Variants in ARRDC3 observed in about 807,000 individuals in gnomAD.
ARRDC3 encodes arrestin domain containing 3.
In ARRDC3, 10 loss-of-function variants were observed where a neutral mutation model predicts 47.2. The ratio of observed to expected loss-of-function variants is 0.21; its 90% CI spans 0.13 to 0.36. The LOEUF is 0.36. Among genes scored for constraint, ARRDC3 ranks in the 10% least tolerant of loss-of-function variants. ARRDC3 has a pLI of 1.00. For synonymous variants in ARRDC3, 156 were observed against 178.3 expected, an observed-to-expected ratio of 0.87 and a Z score of 1.00; for missense variants, 381 against 503.6, an observed-to-expected ratio of 0.76 and a Z score of 2.33.
intron 1 of ARRDC3, chr5:91,380,650 A>C (rs527477865): frequency 6.6e-6 from 1 of 152,372 alleles, no homozygotes; most frequent in African/African-American, 2.4e-5. Context: ...AGGGGAAAAC[A>C]AGCGTTCACA....
chr5:91,382,219 C>T (rs1799471602), intron 1 of ARRDC3, among the ~76,000 whole-genome samples: 1 of 152,116 alleles, frequency 6.6e-6, no homozygotes, highest in Non-Finnish European at 1.5e-5. Context: ...ATAAGGAATG[C>T]TGGGTGTAAA....
At chr5:91,377,418 A>G (rs944582524) in intron 2 of ARRDC3, among the ~76,000 whole-genome samples, 2 of 151,862 alleles carry the variant, frequency 1.3e-5, no homozygotes, top group African/African-American at 4.8e-5. Context: ...ATAAAAAAAA[A>G]TTTTTTTTAA....
chr5:91,381,953 A>C (rs73773374), intron 1 of ARRDC3, among the ~76,000 whole-genome samples: 11,963 of 152,226 alleles, frequency 0.079, 517 homozygotes, highest in South Asian at 0.16. Flanking sequence ...CTATATTTCC[A>C]CAATGTAACC....
Position 91,374,771 on chromosome 5 carries a change from A to G in ARRDC3, c.870+151T>C. 3 of 778,544 alleles carry G rather than the reference A, an allele frequency of 3.9e-6. No individual in the cohort carries two copies. The South Asian group carries it at 5.6e-5, about 15-fold the overall frequency. 48.2% of individuals were successfully genotyped at this position (778,544 alleles called of 1,614,324 possible). On this transcript the variant is annotated intron_variant, in intron 5 of 7. Coordinates refer to ENST00000265138, the MANE Select transcript of ARRDC3 (RefSeq NM_020801.4). ...TGGCTATAGGCACACCTGTAGTCCC[A>G]ACTACTTGGGAGCTGAGGTGGGAGG... is the stretch of plus-strand genomic sequence containing the variant.
intron 2 of ARRDC3, among the ~76,000 whole-genome samples, chr5:91,377,118 C>A (rs912856104): frequency 2.6e-5 from 4 of 152,176 alleles, no homozygotes; most frequent in Non-Finnish European, 5.9e-5. Context: ...AATGGTTTAA[C>A]TATTTCTACT....
At position 91,370,833 on chromosome 5, in the gene ARRDC3, T is replaced by C. The variant is rs1334196729; in HGVS notation, c.*567A>G. 1 of 152,452 alleles carries C rather than the reference T, an allele frequency of 6.6e-6. No homozygotes were observed. Among genetic ancestry groups the C allele is most frequent in the Non-Finnish European group, 1.5e-5 (1 of 68,052 alleles). The allele number at this position is 152,452 out of a possible 1,614,324, so 9.4% of individuals were successfully genotyped here. Reference sequence around the variant, plus strand: ...TCCAAGCTGAAGAGGTGATACATAGTCAGCCTAGTAGACAATTCTGAGCAT... The same window carrying C: ...TCCAAGCTGAAGAGGTGATACATAGCCAGCCTAGTAGACAATTCTGAGCAT... On this transcript the variant is annotated 3_prime_UTR_variant, in exon 8 of 8. Coordinates refer to ENST00000265138, the MANE Select transcript of ARRDC3 (RefSeq NM_020801.4).
At chr5:91,377,072 T>G (rs1799321322) in intron 2 of ARRDC3, among the ~76,000 whole-genome samples, 1 of 152,244 alleles carries the variant, frequency 6.6e-6, no homozygotes, top group Admixed American at 6.5e-5. Context: ...AATGGGCATT[T>G]TTTGAAAAGG....
chr5:91,379,326 T>A (rs903453782), intron 1 of ARRDC3, among the ~76,000 whole-genome samples: 1 of 150,376 alleles, frequency 6.6e-6, no homozygotes, highest in Non-Finnish European at 1.5e-5. Flanking sequence ...CACATTGATT[T>A]TAATGTCAGA....
At position 91,371,910 on chromosome 5, in the gene ARRDC3, C is replaced by T. The variant is rs191379465; in HGVS notation, c.1189-454G>A. On this transcript the variant is annotated intron_variant, in intron 7 of 7. Coordinates refer to ENST00000265138, the MANE Select transcript of ARRDC3 (RefSeq NM_020801.4). Reference sequence around the variant, plus strand: ...TCCTCTGACTTTGGAAAAATGAAATCGTATAAACAATGCTCTTTGTTTATA... The same window carrying T: ...TCCTCTGACTTTGGAAAAATGAAATTGTATAAACAATGCTCTTTGTTTATA... 8.5e-5 allele frequency among the ~76,000 whole-genome samples: 13 copies of T among 152,222 alleles called. No individual in the cohort carries two copies. In the East Asian group the frequency reaches 2.3e-3, roughly 27 times the overall value.
rs933617673 is a variant in ARRDC3 at position 91,381,241 on chromosome 5, T to C, written c.280+1572A>G. Among the ~76,000 whole-genome samples, 6 of 152,226 alleles carry C rather than the reference T, an allele frequency of 3.9e-5. No individual in the cohort carries two copies. The East Asian group carries it at 1.2e-3, about 29-fold the overall frequency. ...GTTGGGGGTGCAGGGCATTTAGTTT[T>C]CTTTACCACGAAATCATGGTGCAAC... On this transcript the variant is annotated intron_variant, in intron 1 of 7. Coordinates refer to ENST00000265138, the MANE Select transcript of ARRDC3 (RefSeq NM_020801.4).
chr5:91,380,262 G>A, intron 1 of ARRDC3: 1 of 153,604 alleles, frequency 6.5e-6, no homozygotes, highest in Non-Finnish European at 1.5e-5. Context: ...TATACATACG[G>A]CATACGTCGC....
intron 7 of ARRDC3, among the ~76,000 whole-genome samples, chr5:91,371,695 G>T (rs1799181992): frequency 6.6e-6 from 1 of 151,980 alleles, no homozygotes; most frequent in South Asian, 2.1e-4. Context: ...CTTTATAAAG[G>T]CATGTCTGAA....
chr5:91,375,626 A>C lies in ARRDC3; in HGVS notation c.511-13T>G. The C allele has an allele frequency of 6.3e-7, 1 of 1,589,280 alleles. No individual in the cohort carries two copies. The highest frequency in any genetic ancestry group is 8.6e-7 in the Non-Finnish European group (1 of 1,161,266). ...CTGCTTGGGGTGACTGTAAGAAAAA[A>C]ATTAAGAGAAAAAGGTCAGTGTATG... On this transcript the variant is annotated splice_polypyrimidine_tract_variant and intron_variant, in intron 3 of 7. Transcript: ENST00000265138.
Position 91,371,008 on chromosome 5 carries a change from GAAAAAAA to G in ARRDC3, c.*385_*391del, listed in dbSNP as rs767515801. The G allele has an allele frequency of 2.6e-5, 2 of 77,680 alleles. No individual in the cohort carries two copies. Among genetic ancestry groups the G allele is most frequent in the African/African-American group, 8.4e-5 (2 of 23,888 alleles). 4.8% of individuals were successfully genotyped at this position (77,680 alleles called of 1,614,324 possible). The stretch of plus-strand genomic sequence containing the variant: ...GAGTATCAAGAGTCTGGCAAAAATA[GAAAAAAA>G]AAAAAAAAAAAAAAGAAGCTGTAGT... On this transcript the variant is annotated 3_prime_UTR_variant, in exon 8 of 8. Transcript: ENST00000265138.
In ARRDC3 at chr5:91,371,417, A is replaced by G; in HGVS notation, c.1228T>C (p.Ser410Pro). ...GTGTTCCTTCAACGAGAGGGGCAGGATGGTCTATCATCTGCTGACTGATCA... is the reference window on the plus strand; with the variant it reads ...GTGTTCCTTCAACGAGAGGGGCAGGGTGGTCTATCATCTGCTGACTGATCA... ...NPDQSADDRP[S>P]CPSR Residue 410 changes from serine (S) to proline (P), a missense_variant, in exon 8 of 8, where the codon TCC becomes CCC. Ser to Pro is a moderately conservative substitution (Grantham distance 74). Coordinates refer to ENST00000265138, the MANE Select transcript of ARRDC3 (RefSeq NM_020801.4). The G allele has an allele frequency of 6.2e-6, 10 of 1,613,566 alleles. No individual in the cohort carries two copies. Among genetic ancestry groups the G allele is most frequent in the Non-Finnish European group, 8.5e-6 (10 of 1,179,644 alleles).
intron 2 of ARRDC3, 36 bp downstream of exon 2, chr5:91,378,658 G>T (rs1266079902): frequency 7.1e-6 from 8 of 1,119,264 alleles, no homozygotes; most frequent in Non-Finnish European, 9.2e-6. Context: ...CTGATCATAA[G>T]TATCTATAAA....
intron 7 of ARRDC3, 43 bp downstream of exon 7, chr5:91,373,641 C>T (rs778796513): frequency 6.5e-7 from 1 of 1,548,072 alleles, no homozygotes; most frequent in Admixed American, 1.8e-5. Context: ...TGCTATTTCC[C>T]AAGATAGCCA....
At chr5:91,373,234 G>T (rs1158633700) in intron 7 of ARRDC3, among the ~76,000 whole-genome samples, 1 of 152,092 alleles carries the variant, frequency 6.6e-6, no homozygotes, top group African/African-American at 2.4e-5. Flanking sequence ...TAACCATGTG[G>T]GAATGTTGTT....
Position 91,383,097 on chromosome 5 carries a change from A to G in ARRDC3, c.-5T>C, listed in dbSNP as rs1799485844. 1 of 1,582,316 alleles carries G rather than the reference A, an allele frequency of 6.3e-7. No individual in the cohort carries two copies. The highest frequency in any genetic ancestry group is 1.9e-5 in the Admixed American group (1 of 52,278). Reference sequence around the variant, plus strand: ...CTTCACCTTTCCCAGCACCATGTTTATAACAAAATCTATAAAAATATAATG... The same window carrying G: ...CTTCACCTTTCCCAGCACCATGTTTGTAACAAAATCTATAAAAATATAATG... On this transcript the variant is annotated 5_prime_UTR_variant, in exon 1 of 8. Coordinates refer to ENST00000265138, the MANE Select transcript of ARRDC3 (RefSeq NM_020801.4).
Sources: gnomAD v4.1 joint callset for allele counts (sites outside exome capture counted in the v4.1 genomes callset) on GRCh38, gnomAD v4.1.1 for gene constraint, MANE v1.5 for transcripts, NCBI Gene and HGNC (gene_info 2026-07-23, HGNC 2026-07-21) for gene names.